The following CREB5 variants were observed in gnomAD, a reference collection of about 807,000 sequenced individuals.
The protein encoded by CREB5 is cyclic AMP-responsive element-binding protein 5.
A neutral mutation model predicts 57.1 loss-of-function variants in CREB5; 19 were observed. The ratio of observed to expected loss-of-function variants is 0.33; its 90% CI spans 0.23 to 0.49. CREB5 has a LOEUF of 0.49. Ranked by LOEUF, CREB5 falls within the 20% of genes least tolerant of loss-of-function variation. CREB5 has a pLI of 0.99. For synonymous variants in CREB5, 238 were observed against 238.3 expected (o/e 1.00, Z 0.01); for missense variants, 579 against 671.6 (o/e 0.86, Z 1.52).
chr7:28,544,887 G>A (rs1794357652), intron 4 of CREB5, among the ~76,000 whole-genome samples: 1 of 152,216 alleles, frequency 6.6e-6, no homozygotes, highest in Non-Finnish European at 1.5e-5. Flanking sequence ...GGCTGCAAGA[G>A]AAAATATAAA....
intron 6 of CREB5, among the ~76,000 whole-genome samples, chr7:28,723,783 ATAT>A (rs1279463922): frequency 6.6e-6 from 1 of 152,220 alleles, no homozygotes; most frequent in Non-Finnish European, 1.5e-5. Context: ...ACCATTTGGT[ATAT>A]TATTTATCCT....
At chr7:28,381,765 C>T (rs186158494) in intron 1 of CREB5, among the ~76,000 whole-genome samples, 12 of 152,166 alleles carry the variant, frequency 7.9e-5, no homozygotes, top group Admixed American at 3.3e-4. Context: ...AGAACCATAG[C>T]GAGGTGGATA....
At chr7:28,675,405 CAGAACTT>C (rs1554283829) in intron 5 of CREB5, among the ~76,000 whole-genome samples, 1 of 152,148 alleles carries the variant, frequency 6.6e-6, no homozygotes, top group Non-Finnish European at 1.5e-5. Flanking sequence ...AGCCCACCTT[CAGAACTT>C]ATGACTTTGG....
chr7:28,467,145 C>A (rs1040814510), intron 1 of CREB5, among the ~76,000 whole-genome samples: 5 of 152,190 alleles, frequency 3.3e-5, no homozygotes, highest in Non-Finnish European at 7.3e-5. Flanking sequence ...ACCCTTTAGC[C>A]CTCCAACTGA....
rs139222705 is a variant in CREB5 at position 28,486,670 on chromosome 7, T to TTATATA, written c.4-1487_4-1482dup. On this transcript the variant is annotated intron_variant, in intron 1 of 10. Coordinates refer to ENST00000357727, the MANE Select transcript of CREB5 (RefSeq NM_182898.4). The stretch of plus-strand genomic sequence containing the variant: ...AACTAAACGTGTATCTCCTATGATT[T>TTATATA]TATATATATATATATATATATATGT... Among the ~76,000 whole-genome samples, 340 of 89,112 alleles carry TTATATA rather than the reference T, an allele frequency of 3.8e-3. 34 individuals carry two copies. Among genetic ancestry groups the TTATATA allele is most frequent in the East Asian group, 0.023 (78 of 3,336 alleles). 58.5% of individuals were successfully genotyped at this position (89,112 alleles called of 152,430 possible).
intron 1 of CREB5, among the ~76,000 whole-genome samples, chr7:28,416,335 G>GC (rs1788022663): frequency 6.6e-6 from 1 of 152,072 alleles, no homozygotes; most frequent in African/African-American, 2.4e-5. Flanking sequence ...AAAAATACAT[G>GC]CAACAACAAC....
intron 1 of CREB5, among the ~76,000 whole-genome samples, chr7:28,400,698 A>G (rs1020014738): frequency 6.6e-6 from 1 of 152,190 alleles, no homozygotes; most frequent in Non-Finnish European, 1.5e-5. Flanking sequence ...GTCATGTAAG[A>G]ACGAGGAGGA....
chr7:28,804,318 G>T lies in CREB5; in HGVS notation c.822G>T (p.Met274Ile), dbSNP rs368741794. ...SRQDQTPHHH[M>I]HSHPHQHQTL... The stretch of plus-strand genomic sequence containing the variant: ...AGGACCAGACGCCACACCATCACAT[G>T]CACTCGCACCCGCATCAGCACCAGA... The change falls in exon 8 of 11, where the codon ATG becomes ATT. Residue 274 changes from methionine to isoleucine, a missense_variant. By Grantham distance (10) the Met-to-Ile change is conservative. This residue lies in a region of CREB5 where 459 missense variants were observed against 515.7 expected (regional missense o/e 0.89). Transcript: ENST00000357727. 3.1e-6 allele frequency: 5 copies of T among 1,613,842 alleles called. No individual in the cohort carries two copies. In the African/African-American group the frequency reaches 6.7e-5, roughly 22 times the overall value.
At chr7:28,364,126 G>T (rs536229267) in intron 1 of CREB5, among the ~76,000 whole-genome samples, 1 of 152,240 alleles carries the variant, frequency 6.6e-6, no homozygotes, top group African/African-American at 2.4e-5. Flanking sequence ...CTTAATGTTT[G>T]GTGTTTTCAG....
chr7:28,591,536 A>T (rs1796516634), intron 5 of CREB5, among the ~76,000 whole-genome samples: 1 of 152,220 alleles, frequency 6.6e-6, no homozygotes, highest in South Asian at 2.1e-4. Context: ...ACTAAGCCAC[A>T]GTTAATTGCT....
intron 5 of CREB5, among the ~76,000 whole-genome samples, chr7:28,571,664 G>A (rs116480040): frequency 4.2e-4 from 64 of 152,326 alleles, no homozygotes; most frequent in African/African-American, 1.3e-3. Flanking sequence ...AGGATCCGCA[G>A]CGTGGGCATT....
At chr7:28,670,895 T>C (rs1157395265) in intron 5 of CREB5, among the ~76,000 whole-genome samples, 1 of 152,176 alleles carries the variant, frequency 6.6e-6, no homozygotes, top group African/African-American at 2.4e-5. Context: ...AGGGTCTCAC[T>C]ATGTTGCCTA....
intron 1 of CREB5, among the ~76,000 whole-genome samples, chr7:28,484,893 CA>C (rs1262655628): frequency 6.6e-6 from 1 of 152,196 alleles, no homozygotes; most frequent in African/African-American, 2.4e-5. Context: ...TCAATTAAGA[CA>C]GTAGAATCTA....
At chr7:28,503,024 A>G (rs977753035) in intron 3 of CREB5, among the ~76,000 whole-genome samples, 1 of 152,248 alleles carries the variant, frequency 6.6e-6, no homozygotes, top group Admixed American at 6.5e-5. Flanking sequence ...GAATAATTGC[A>G]CTTGCTGGGC....
At chr7:28,721,327 C>T (rs1270392025) in intron 6 of CREB5, among the ~76,000 whole-genome samples, 2 of 152,120 alleles carry the variant, frequency 1.3e-5, no homozygotes, top group Admixed American at 6.6e-5. Flanking sequence ...GTTGAGAAGC[C>T]CTGGTCTTGA....
intron 7 of CREB5, among the ~76,000 whole-genome samples, chr7:28,778,768 A>G (rs1806805175): frequency 6.6e-6 from 1 of 152,246 alleles, no homozygotes; most frequent in African/African-American, 2.4e-5. Flanking sequence ...GGATAATTAA[A>G]TACAATGAAA....
At position 28,560,859 on chromosome 7, in the gene CREB5, CGT is replaced by C. The variant is rs71555750; in HGVS notation, c.292-9502_292-9501del. 4.6e-3 allele frequency among the ~76,000 whole-genome samples: 152 copies of C among 32,706 alleles called. 19 individuals are homozygous for C. Among genetic ancestry groups the C allele is most frequent in the South Asian group, 7.8e-3 (5 of 642 alleles). 21.5% of individuals were successfully genotyped at this position (32,706 alleles called of 152,430 possible). The stretch of plus-strand genomic sequence containing the variant: ...GTGTGTGTGTGCGCGTGTGTGTGTG[CGT>C]GTGCCTGCGTGCGCGTGCGTGCGTG... On this transcript the variant is annotated intron_variant, in intron 4 of 10. Transcript: ENST00000357727.
At chr7:28,816,837 G>A (rs1392163946) in intron 9 of CREB5, among the ~76,000 whole-genome samples, 1 of 152,192 alleles carries the variant, frequency 6.6e-6, no homozygotes. Flanking sequence ...TCCTACATGT[G>A]AGGTATAATG....
chr7:28,354,470 C>CT (rs1391969714), intron 1 of CREB5, among the ~76,000 whole-genome samples: 1 of 152,178 alleles, frequency 6.6e-6, no homozygotes, highest in Non-Finnish European at 1.5e-5. Context: ...CTCAAACTGG[C>CT]TCTCCTTGCT....
Sources: allele counts gnomAD v4.1 joint callset (sites outside exome capture counted in the v4.1 genomes callset), GRCh38; gene constraint gnomAD v4.1.1; regional missense constraint gnomAD v4.1.1; transcripts MANE v1.5; gene names NCBI Gene and HGNC (gene_info 2026-07-23, HGNC 2026-07-21).